SH3D19: variants seen among roughly 807,000 people sequenced by gnomAD.
SH3D19 encodes the protein SH3 domain-containing protein 19.
SH3D19 carries 58 observed loss-of-function variants against 112.1 expected under a neutral mutation model. The ratio of observed to expected loss-of-function variants is 0.52; its 90% CI spans 0.42 to 0.64. The LOEUF is 0.64. Among genes scored for constraint, SH3D19 ranks in the 30% least tolerant of loss-of-function variants. SH3D19 has a pLI of 0.00. For synonymous variants in SH3D19, 391 were observed against 448.5 expected (o/e 0.87, Z 1.62); for missense variants, 1,090 against 1,263.4 (o/e 0.86, Z 2.08).
At chr4:151,275,769 G>A (rs74819427) in intron 1 of SH3D19, among the ~76,000 whole-genome samples, 2 of 151,966 alleles carry the variant, frequency 1.3e-5, no homozygotes, top group Admixed American at 1.3e-4. Context: ...GATCCTCCCC[G>A]TTCAGCCTTT....
intron 2 of SH3D19, among the ~76,000 whole-genome samples, chr4:151,211,085 A>G (rs1248795811): frequency 6.6e-6 from 1 of 152,182 alleles, no homozygotes; most frequent in Non-Finnish European, 1.5e-5. Context: ...TTGTAAAAAT[A>G]TAAGATATCT....
At chr4:151,219,106 T>C (rs1023387868) in intron 2 of SH3D19, among the ~76,000 whole-genome samples, 2 of 152,186 alleles carry the variant, frequency 1.3e-5, no homozygotes, top group African/African-American at 4.8e-5. Context: ...CTGAAACTTT[T>C]CCTAGTCCCA....
chr4:151,287,271 G>T (rs1479344422), intron 1 of SH3D19, among the ~76,000 whole-genome samples: 1 of 149,950 alleles, frequency 6.7e-6, no homozygotes, highest in Non-Finnish European at 1.5e-5. Context: ...AACCCGGGAG[G>T]CAGAGGTTTC....
At chr4:151,224,482 ATATTGC>A (rs1169770632) in intron 2 of SH3D19, among the ~76,000 whole-genome samples, 1 of 152,138 alleles carries the variant, frequency 6.6e-6, no homozygotes, top group African/African-American at 2.4e-5. Context: ...TTTTTCAAAA[ATATTGC>A]TAAGTCACAT....
Position 151,133,190 on chromosome 4 carries a change from C to G in SH3D19, c.2533G>C (p.Asp845His). The G allele has an allele frequency of 6.2e-7, 1 of 1,614,178 alleles. No homozygotes were observed. ...TCTCCCTCTGAGAAACTCAACTCAT[C>G]CTTCTGCTCTCCAATATATTCAAAC... is the stretch of plus-strand genomic sequence containing the variant. ...ARFEYIGEQK[D>H]ELSFSEGEII... The change falls in exon 16 of 20, where the codon GAT becomes CAT. Residue 845 changes from aspartate (D) to histidine (H), a missense_variant. Coordinates refer to ENST00000604030, the MANE Select transcript of SH3D19 (RefSeq NM_001378122.1).
intron 2 of SH3D19, among the ~76,000 whole-genome samples, chr4:151,192,081 C>A (rs1762757199): frequency 6.6e-6 from 1 of 150,554 alleles, no homozygotes; most frequent in Admixed American, 6.7e-5. Flanking sequence ...ACAGCTGGGA[C>A]TACAGGTGCC....
chr4:151,234,766 T>TTTTTTTTTTTTTG (rs374882479), intron 1 of SH3D19, among the ~76,000 whole-genome samples: 3 of 87,162 alleles, frequency 3.4e-5, no homozygotes, highest in African/African-American at 1.0e-4. Context: ...TTTTTTTTTT[T>TTTTTTTTTTTTTG]AGACAGGGGC....
rs1364019198 is a variant in SH3D19 at position 151,234,745 on chromosome 4, T to G, written c.113-8659A>C. Among the ~76,000 whole-genome samples the G allele has an allele frequency of 1.7e-3, 210 of 123,054 alleles. 3 individuals carry two copies. The highest frequency in any genetic ancestry group is 6.2e-3 in the African/African-American group (188 of 30,266). The allele number at this position is 123,054 out of a possible 152,430, so 80.7% of individuals were successfully genotyped here. A position where few individuals can be genotyped will look rare whatever the true frequency, so the allele number is the denominator to read the frequency against. On this transcript the variant is annotated intron_variant, in intron 1 of 19. Transcript: ENST00000604030. ...TCTTTCCAAGTTTGTGTTTTTTTTT[T>G]TTTTTTTTTTTTTTTTTTTTTAGAC...
intron 1 of SH3D19, among the ~76,000 whole-genome samples, chr4:151,300,938 G>A (rs1315605289): frequency 6.6e-6 from 1 of 152,222 alleles, no homozygotes; most frequent in Non-Finnish European, 1.5e-5. Context: ...GGCAATTGTG[G>A]TGAGGGAAGA....
In SH3D19 at chr4:151,204,325, C is replaced by T. The variant is rs374007040; in HGVS notation, c.153-16862G>A. Among the ~76,000 whole-genome samples, 10 of 152,228 alleles carry T rather than the reference C, an allele frequency of 6.6e-5. No individual in the cohort carries two copies. In the South Asian group the frequency reaches 2.1e-3, roughly 32 times the overall value. On this transcript the variant is annotated intron_variant, in intron 2 of 19. Coordinates refer to ENST00000604030, the MANE Select transcript of SH3D19 (RefSeq NM_001378122.1). ...CACTTTGACTAGCTCCATACAAAGA[C>T]AGAATATTTGGGTTGGTATTTTACA...
intron 1 of SH3D19, among the ~76,000 whole-genome samples, chr4:151,249,202 A>C (rs10019075): frequency 0.33 from 49,760 of 152,066 alleles, 9,472 homozygotes; most frequent in Non-Finnish European, 0.44. Context: ...CATACACTTC[A>C]TGTTAGGTAT....
chr4:151,300,285 G>A (rs1221582426), intron 1 of SH3D19, among the ~76,000 whole-genome samples: 1 of 152,070 alleles, frequency 6.6e-6, no homozygotes, highest in African/African-American at 2.4e-5. Context: ...GGAGCATTGT[G>A]CATTGGACTA....
chr4:151,156,875 A>G (rs1195821345), intron 9 of SH3D19, among the ~76,000 whole-genome samples: 1 of 152,206 alleles, frequency 6.6e-6, no homozygotes, highest in Non-Finnish European at 1.5e-5. Context: ...TGAAAAGACA[A>G]CCTACAGAAT....
chr4:151,122,097 GA>G lies in SH3D19; in HGVS notation c.3137del (p.Ile1046ThrfsTer17), dbSNP rs1236582694. 1 of 1,535,796 alleles carries G rather than the reference GA, an allele frequency of 6.5e-7. No individual in the cohort carries two copies. The highest frequency in any genetic ancestry group is 9.0e-7 in the Non-Finnish European group (1 of 1,109,692). ...ACACAGACAAGCTTCTCCTCTAGCT[GA>G]TCTGTAGAAACTGTATGTAGTTTTT... is the stretch of plus-strand genomic sequence containing the variant. ...FPKNYIQFLQ[I>X]S On this transcript the variant is annotated frameshift_variant, in exon 20 of 20. Coordinates refer to ENST00000604030, the MANE Select transcript of SH3D19 (RefSeq NM_001378122.1). LOFTEE classifies it high-confidence loss of function.
intron 1 of SH3D19, among the ~76,000 whole-genome samples, chr4:151,278,175 C>T (rs951938559): frequency 2.6e-5 from 4 of 152,164 alleles, no homozygotes; most frequent in Admixed American, 1.3e-4. Flanking sequence ...CAACCTCAAC[C>T]GCATCTGAGG....
chr4:151,267,385 T>C (rs112160486), intron 1 of SH3D19, among the ~76,000 whole-genome samples: 47 of 152,260 alleles, frequency 3.1e-4, no homozygotes, highest in Middle Eastern at 3.4e-3. Flanking sequence ...CCTCCGTTCA[T>C]TGTTGGAAAG....
At chr4:151,325,045 C>G (rs1281386927) in intron 1 of SH3D19, among the ~76,000 whole-genome samples, 196 bp downstream of exon 1, 2 of 152,230 alleles carry the variant, frequency 1.3e-5, no homozygotes, top group Admixed American at 6.5e-5. Context: ...AAAGACGGGT[C>G]TGAATTTCCT....
intron 9 of SH3D19, among the ~76,000 whole-genome samples, chr4:151,157,269 A>G (rs1756295863): frequency 1.3e-5 from 2 of 152,012 alleles, no homozygotes; most frequent in Admixed American, 1.3e-4. Flanking sequence ...GAAAAAAAAA[A>G]AACGGCAAAT....
intron 11 of SH3D19, among the ~76,000 whole-genome samples, chr4:151,145,730 C>G (rs1437004266): frequency 6.6e-6 from 1 of 152,200 alleles, no homozygotes; most frequent in Non-Finnish European, 1.5e-5. Flanking sequence ...ATGGCCAAAT[C>G]AAGTAGAGGC....
Sources: allele counts gnomAD v4.1 joint callset (sites outside exome capture counted in the v4.1 genomes callset), GRCh38; gene constraint gnomAD v4.1.1; transcripts MANE v1.5; gene names NCBI Gene and HGNC (gene_info 2026-07-23, HGNC 2026-07-21).